OR1A1: variants seen among roughly 807,000 people sequenced by gnomAD.
OR1A1 encodes the protein olfactory receptor family 1 subfamily A member 1.
For synonymous variants in OR1A1, 145 were observed against 147.8 expected (o/e 0.98, Z 0.13); for missense variants, 391 against 379.9 (o/e 1.03, Z -0.24).
At chr17:3,214,756 C>G (rs6502705) in intron 3 of OR1A1, 64,979 of 151,806 alleles carry the variant, frequency 0.43, 14,259 homozygotes, top group Middle Eastern at 0.5. Flanking sequence ...AGCCACTAAG[C>G]AGTTGCTTGA....
chr17:3,209,440 C>T (rs35408199), intron 2 of OR1A1, among the ~76,000 whole-genome samples: 38,055 of 151,880 alleles, frequency 0.25, 5,566 homozygotes, highest in East Asian at 0.57. Flanking sequence ...CTGGGCAACG[C>T]AGCAAAACCC....
chr17:3,216,169 C>G lies in OR1A1; in HGVS notation c.549C>G (p.Pro183=), dbSNP rs774640078. The G allele has an allele frequency of 6.2e-7, 1 of 1,614,178 alleles. No individual in the cohort carries two copies. Among genetic ancestry groups the G allele is most frequent in the Non-Finnish European group, 8.5e-7 (1 of 1,180,002 alleles). The change falls in exon 4 of 4, where the codon CCC becomes CCG. Residue 183 remains proline (P), a synonymous_variant. Coordinates refer to ENST00000641732, the MANE Select transcript of OR1A1 (RefSeq NM_014565.3). ...EVANFYCDIT[P]LLKLSCSDIH... is the part of the protein sequence containing the mutation. ...CCAACTTCTACTGTGACATTACCCC[C>G]TTGCTGAAGTTATCCTGTTCTGACA... is the stretch of plus-strand genomic sequence containing the variant.
At chr17:3,212,237 A>G (rs2048445727) in intron 2 of OR1A1, among the ~76,000 whole-genome samples, 1 of 151,752 alleles carries the variant, frequency 6.6e-6, no homozygotes, top group Non-Finnish European at 1.5e-5. Context: ...ACACTGTATC[A>G]AGGGGCATAA....
chr17:3,213,161 G>C (rs1398329314), intron 3 of OR1A1: 5 of 152,180 alleles, frequency 3.3e-5, no homozygotes, highest in African/African-American at 1.2e-4. Flanking sequence ...TGGCCCCCAG[G>C]TAGCCCTTTC....
chr17:3,208,939 A>C lies in OR1A1; in HGVS notation c.-198A>C, dbSNP rs1394081658. ...TCGCTGTCCTCTGGACCAAATCATC[A>C]CAGAACATGTGAAATAACAACAGAA... On this transcript the variant is annotated 5_prime_UTR_variant, in exon 2 of 4. Transcript: ENST00000641732. 2 of 152,164 alleles carry C rather than the reference A, an allele frequency of 1.3e-5. No individual in the cohort carries two copies. The highest frequency in any genetic ancestry group is 2.9e-5 in the Non-Finnish European group (2 of 68,018). The allele number at this position is 152,164 out of a possible 1,614,324, so 9.4% of individuals were successfully genotyped here.
In OR1A1 at chr17:3,218,758, A is replaced by C. The variant is rs1478141477; in HGVS notation, c.*2208A>C. ...CACAAGGAAGGGCACATCACACACC[A>C]GGGCCTGTCAGCGGGTTGGGGGCAA... On this transcript the variant is annotated 3_prime_UTR_variant, in exon 4 of 4. Transcript: ENST00000641732. 2 of 152,122 alleles carry C rather than the reference A, an allele frequency of 1.3e-5. No homozygotes were observed. The highest frequency in any genetic ancestry group is 4.8e-5 in the African/African-American group (2 of 41,432). The allele number at this position is 152,122 out of a possible 1,614,324, so 9.4% of individuals were successfully genotyped here.
rs147378244 is a variant in OR1A1 at position 3,216,036 on chromosome 17, G to A, written c.416G>A (p.Arg139Gln). 1.2e-5 allele frequency: 19 copies of A among 1,613,968 alleles called. No homozygotes were observed. The highest frequency in any genetic ancestry group is 4.5e-5 in the East Asian group (2 of 44,892). ...PLHYTTIMSP[R>Q]SCIWLIAGSW... Reference sequence around the variant, plus strand: ...CACTACACAACAATTATGAGTCCACGGTCTTGTATCTGGCTTATTGCTGGG... The same window carrying A: ...CACTACACAACAATTATGAGTCCACAGTCTTGTATCTGGCTTATTGCTGGG... Residue 139 changes from arginine (R) to glutamine (Q), a missense_variant, in exon 4 of 4, where the codon CGG (arginine) becomes CAG (glutamine). Coordinates refer to ENST00000641732, the MANE Select transcript of OR1A1 (RefSeq NM_014565.3).
Position 3,208,893 on chromosome 17 carries a change from A to C in OR1A1, c.-244A>C, listed in dbSNP as rs12950835. The C allele has an allele frequency of 0.25, 38,009 of 151,944 alleles. 5,558 individuals carry two copies. Among genetic ancestry groups the C allele is most frequent in the East Asian group, 0.57 (2,952 of 5,162 alleles). 9.4% of individuals were successfully genotyped at this position (151,944 alleles called of 1,614,324 possible). A position where few individuals can be genotyped will look rare whatever the true frequency, so the allele number is the denominator to read the frequency against. ...TATCTCCTACCTTAAATGAAACATG[A>C]ACTTGAGCCACCCAGCTCCATCGCT... is the stretch of plus-strand genomic sequence containing the variant. On this transcript the variant is annotated 5_prime_UTR_variant, in exon 2 of 4. Coordinates refer to ENST00000641732, the MANE Select transcript of OR1A1 (RefSeq NM_014565.3).
intron 2 of OR1A1, among the ~76,000 whole-genome samples, chr17:3,210,306 C>G (rs993883235): frequency 6.6e-6 from 1 of 152,008 alleles, no homozygotes; most frequent in African/African-American, 2.4e-5. Flanking sequence ...TACAGTTTCT[C>G]TAGAAGCTAA....
chr17:3,208,148 G>T, intron 1 of OR1A1, 148 bp downstream of exon 1: 1 of 145,638 alleles, frequency 6.9e-6, no homozygotes, highest in East Asian at 2.4e-4. Flanking sequence ...ATGGACAAGA[G>T]AGAGATAGAG....
intron 2 of OR1A1, 70 bp downstream of exon 2, chr17:3,209,068 A>G (rs2048427438): frequency 6.6e-6 from 1 of 152,190 alleles, no homozygotes; most frequent in African/African-American, 2.4e-5. Flanking sequence ...ACTGGGGTAC[A>G]GGTGGTATTT....
Position 3,216,630 on chromosome 17 carries a change from C to A in OR1A1, c.*80C>A, listed in dbSNP as rs188380383. The A allele has an allele frequency of 4.7e-6, 5 of 1,061,732 alleles. No homozygotes were observed. Among genetic ancestry groups the A allele is most frequent in the Non-Finnish European group, 4.1e-6 (3 of 734,812 alleles). The allele number at this position is 1,061,732 out of a possible 1,614,324, so 65.8% of individuals were successfully genotyped here. A position where few individuals can be genotyped will look rare whatever the true frequency, so the allele number is the denominator to read the frequency against. ...ATCCAGTTCTGATGTCATCCTCCTA[C>A]GAGAGGCAGTCTCTGATCTTTCTAG... On this transcript the variant is annotated 3_prime_UTR_variant, in exon 4 of 4. Transcript: ENST00000641732.
intron 3 of OR1A1, chr17:3,214,926 C>G (rs1210287462): frequency 6.6e-6 from 1 of 152,076 alleles, no homozygotes; most frequent in African/African-American, 2.4e-5. Flanking sequence ...AAATGAGACA[C>G]CTGGGGAGAA....
intron 3 of OR1A1, among the ~76,000 whole-genome samples, chr17:3,215,378 G>A (rs1304619508): frequency 6.6e-6 from 1 of 152,144 alleles, no homozygotes; most frequent in African/African-American, 2.4e-5. Flanking sequence ...CAGGAAGGAT[G>A]GGCACTTCTG....
intron 2 of OR1A1, among the ~76,000 whole-genome samples, chr17:3,209,419 T>A (rs531091601): frequency 4.4e-4 from 67 of 152,228 alleles, no homozygotes; most frequent in African/African-American, 1.6e-3. Flanking sequence ...GGCCAGGAGT[T>A]TTAGACCAAC....
At chr17:3,215,486 C>A in intron 3 of OR1A1, 130 bp from the exon 4 acceptor site, 3 of 663,850 alleles carry the variant, frequency 4.5e-6, no homozygotes, top group Non-Finnish European at 5.1e-6. Flanking sequence ...TACTGGATAT[C>A]TCTATAATTT....
rs756390802 is a variant in OR1A1 at position 3,216,300 on chromosome 17, T to G, written c.680T>G (p.Val227Gly). The G allele has an allele frequency of 5.0e-6, 8 of 1,614,098 alleles. No homozygotes were observed. In the African/African-American group the frequency reaches 9.3e-5, roughly 19 times the overall value. Residue 227 changes from valine to glycine, a missense_variant, in exon 4 of 4, where the codon GTT becomes GGT. Val to Gly is a moderately radical substitution (Grantham distance 109). Coordinates refer to ENST00000641732, the MANE Select transcript of OR1A1 (RefSeq NM_014565.3). ...CGAGTCTTCTCCACAGTCTTCCAGG[T>G]TCCTTCCACCAAGGGCGTGCTCAAG... ...YIRVFSTVFQVPSTKGVLKAF... is the reference protein window; with the variant it reads ...YIRVFSTVFQGPSTKGVLKAF...
In OR1A1 at chr17:3,207,982, T is replaced by G. The variant is rs1274367119; in HGVS notation, c.-575T>G. 2 of 152,256 alleles carry G rather than the reference T, an allele frequency of 1.3e-5. No individual in the cohort carries two copies. The highest frequency in any genetic ancestry group is 2.9e-5 in the Non-Finnish European group (2 of 68,078). 9.4% of individuals were successfully genotyped at this position (152,256 alleles called of 1,614,324 possible). A position where few individuals can be genotyped will look rare whatever the true frequency, so the allele number is the denominator to read the frequency against. ...TCAAAGGGTAGACAGCCAGCAACTG[T>G]AGGCTACTTGCCCAAGAGGTAAGTT... On this transcript the variant is annotated 5_prime_UTR_variant, in exon 1 of 4. Transcript: ENST00000641732.
chr17:3,213,400 TC>T (rs1345007284), intron 3 of OR1A1: 1 of 152,204 alleles, frequency 6.6e-6, no homozygotes, highest in Non-Finnish European at 1.5e-5. Context: ...TAGACCTACA[TC>T]CCTCATACCT....
Sources: gnomAD v4.1 joint callset for allele counts (sites outside exome capture counted in the v4.1 genomes callset) on GRCh38, gnomAD v4.1.1 for gene constraint, MANE v1.5 for transcripts, NCBI Gene and HGNC (gene_info 2026-07-23, HGNC 2026-07-21) for gene names.